CHEK2: variants seen among roughly 807,000 people sequenced by gnomAD.
CHEK2 encodes the protein serine/threonine-protein kinase Chk2.
CHEK2 carries 71 observed loss-of-function variants against 69.1 expected under a neutral mutation model. That is an observed-to-expected ratio of 1.03 (90% CI 0.85 to 1.25). The LOEUF (loss-of-function observed/expected upper bound fraction) is 1.25. CHEK2 is among the 50% of genes most tolerant of loss of function. The pLI, the probability that CHEK2 is intolerant of heterozygous loss-of-function variation, is 0.00. For missense variants in CHEK2, 664 were observed against 649.6 expected (o/e 1.02, Z -0.24); for synonymous variants, 189 against 226.9 (o/e 0.83, Z 1.50).
intron 2 of CHEK2, chr22:28,730,274 A>AAGAG: frequency 5.3e-6 from 1 of 189,180 alleles, no homozygotes; most frequent in East Asian, 5.6e-5. Flanking sequence ...GAGGAAAGGA[A>AAGAG]AGCGGAAGGG....
At chr22:28,699,365 T>TGC (rs1378932259) in intron 9 of CHEK2, among the ~76,000 whole-genome samples, 2 of 121,120 alleles carry the variant, frequency 1.7e-5, no homozygotes, top group Non-Finnish European at 3.4e-5. Context: ...GCTTTTTCTT[T>TGC]TTTTTTTTTT....
chr22:28,734,546 G>A lies in CHEK2; in HGVS notation c.176C>T (p.Thr59Ile), dbSNP rs149991239. The change falls in exon 2 of 15, where the codon ACA becomes ATA. Residue 59 changes from threonine (T) to isoleucine (I), a missense_variant. Coordinates refer to ENST00000404276, the MANE Select transcript of CHEK2 (RefSeq NM_007194.4). ...GGACACTGTCTCTAAGGAGCTCAGT[G>A]TCCCAGAGCTGGAGTGAGAGGACTG... ...SSQSSHSSSG[T>I]LSSLETVSTQ... 5.6e-6 allele frequency: 9 copies of A among 1,614,014 alleles called. No individual in the cohort carries two copies. Among genetic ancestry groups the A allele is most frequent in the Non-Finnish European group, 7.6e-6 (9 of 1,180,012 alleles).
At chr22:28,689,341 G>A in intron 13 of CHEK2, 126 bp from the exon 14 acceptor site, 1 of 774,152 alleles carries the variant, frequency 1.3e-6, no homozygotes, top group Non-Finnish European at 2.3e-6. Flanking sequence ...TCCCCTTGAT[G>A]AAGCTCCCAC....
chr22:28,699,974 G>A (rs1458713020), intron 8 of CHEK2, 37 bp from the exon 9 acceptor site: 1 of 1,419,842 alleles, frequency 7.0e-7, no homozygotes, highest in African/African-American at 1.4e-5. Context: ...TTCATTCCTG[G>A]GGGAAAACGC....
chr22:28,698,969 A>G (rs995657551), intron 9 of CHEK2, among the ~76,000 whole-genome samples: 2 of 152,114 alleles, frequency 1.3e-5, no homozygotes, highest in Non-Finnish European at 2.9e-5. Flanking sequence ...ACCCCTCCAG[A>G]AATACCTCCA....
At chr22:28,708,361 A>ATGTGTGTGTGTGTGTGTGTG (rs200869651) in intron 7 of CHEK2, among the ~76,000 whole-genome samples, 22 of 104,458 alleles carry the variant, frequency 2.1e-4, no homozygotes, top group South Asian at 1.1e-3. Context: ...GTCTCTAAAA[A>ATGTGTGTGTGTGTGTGTGTG]TATGTGTGTG....
At chr22:28,732,523 A>C (rs977658184) in intron 2 of CHEK2, among the ~76,000 whole-genome samples, 4 of 152,224 alleles carry the variant, frequency 2.6e-5, no homozygotes, top group African/African-American at 9.6e-5. Context: ...CTGGGATTAC[A>C]GGCATGAGCC....
chr22:28,704,478 G>A (rs922739817), intron 7 of CHEK2, among the ~76,000 whole-genome samples: 19 of 151,696 alleles, frequency 1.3e-4, no homozygotes, highest in Non-Finnish European at 1.3e-4. Context: ...GACTACAGGC[G>A]TGCACCACCA....
At chr22:28,712,313 A>G (rs1226733857) in intron 5 of CHEK2, 3 of 413,956 alleles carry the variant, frequency 7.2e-6, no homozygotes, top group African/African-American at 6.0e-5. Flanking sequence ...AAAATGAGAG[A>G]GAAACTACGT....
At chr22:28,712,705 T>C (rs1037387079) in intron 5 of CHEK2, among the ~76,000 whole-genome samples, 2 of 152,192 alleles carry the variant, frequency 1.3e-5, no homozygotes, top group Non-Finnish European at 2.9e-5. Context: ...TAATGGCTAC[T>C]AGGGCATCAA....
chr22:28,719,660 T>C lies in CHEK2; in HGVS notation c.593-175A>G, dbSNP rs182081477. Among the ~76,000 whole-genome samples, 21 of 152,346 alleles carry C rather than the reference T, an allele frequency of 1.4e-4. No homozygotes were observed. In the East Asian group the frequency reaches 4.1e-3, roughly 29 times the overall value. On this transcript the variant is annotated intron_variant, in intron 4 of 14. Coordinates refer to ENST00000404276, the MANE Select transcript of CHEK2 (RefSeq NM_007194.4). The stretch of plus-strand genomic sequence containing the variant: ...TAATAGGTATTAGTGGGCTAATACA[T>C]ATTGTAAAGCCCTTGAGAAATAAAT...
chr22:28,739,719 T>A (rs1463987567), intron 1 of CHEK2, among the ~76,000 whole-genome samples: 1 of 151,762 alleles, frequency 6.6e-6, no homozygotes, highest in Non-Finnish European at 1.5e-5. Flanking sequence ...AAACCCACAA[T>A]GAGATACCAT....
At chr22:28,724,660 G>C (rs950858420) in intron 4 of CHEK2, 7 of 372,884 alleles carry the variant, frequency 1.9e-5, no homozygotes, top group Non-Finnish European at 3.7e-5. Context: ...TCTGCCTCCC[G>C]GGTTCAAGCG....
Position 28,695,696 on chromosome 22 carries a change from A to T in CHEK2, c.1259+14T>A, listed in dbSNP as rs780245762. 51 of 1,611,786 alleles carry T rather than the reference A, an allele frequency of 3.2e-5. No homozygotes were observed. Among genetic ancestry groups the T allele is most frequent in the Non-Finnish European group, 4.0e-5 (47 of 1,178,004 alleles). On this transcript the variant is annotated intron_variant, in intron 11 of 14. Coordinates refer to ENST00000404276, the MANE Select transcript of CHEK2 (RefSeq NM_007194.4). ...CCTCCTACCAGTCTGTGCAGCAATG[A>T]AAATATTTCTTACCAGATAAAAAGA...
At chr22:28,708,788 C>A in intron 7 of CHEK2, 1 of 209,294 alleles carries the variant, frequency 4.8e-6, no homozygotes, top group Non-Finnish European at 9.8e-6. Flanking sequence ...ATGGTGAAAC[C>A]CCCTCTCTAC....
intron 5 of CHEK2, among the ~76,000 whole-genome samples, chr22:28,716,222 A>T (rs2145982407): frequency 7.1e-6 from 1 of 140,232 alleles, no homozygotes; most frequent in East Asian, 2.1e-4. Context: ...TTTGAGACAG[A>T]GTCTCACTCT....
At chr22:28,739,738 A>C (rs1169527114) in intron 1 of CHEK2, among the ~76,000 whole-genome samples, 1 of 152,116 alleles carries the variant, frequency 6.6e-6, no homozygotes, top group African/African-American at 2.4e-5. Flanking sequence ...ATCTCACCCA[A>C]GTTAAAATGG....
chr22:28,738,446 T>C (rs2054476160), intron 1 of CHEK2, among the ~76,000 whole-genome samples: 1 of 152,174 alleles, frequency 6.6e-6, no homozygotes, highest in African/African-American at 2.4e-5. Context: ...AAACTGTGCA[T>C]GACTTTAGGT....
intron 7 of CHEK2, 107 bp from the exon 8 acceptor site, chr22:28,703,673 AT>A: frequency 1.4e-6 from 1 of 728,448 alleles, no homozygotes. Context: ...AAGAACAGGC[AT>A]CTGGCCCCCT....
Sources: gnomAD v4.1 joint callset for allele counts (sites outside exome capture counted in the v4.1 genomes callset) on GRCh38, gnomAD v4.1.1 for gene constraint, MANE v1.5 for transcripts, NCBI Gene and HGNC (gene_info 2026-07-23, HGNC 2026-07-21) for gene names.